The following CPA6 variants were observed in gnomAD, a reference collection of about 807,000 sequenced individuals.
The protein encoded by CPA6 is carboxypeptidase A6, also known as carboxypeptidase B.
Under a neutral mutation model 63.3 loss-of-function variants are expected in CPA6, and 58 were observed. The observed-to-expected ratio is 0.92, with a 90% CI of 0.74 to 1.14. The LOEUF (loss-of-function observed/expected upper bound fraction) is 1.14, where lower values mean the gene tolerates loss of function less well. Ranked by LOEUF, CPA6 falls within the 50% of genes most tolerant of loss-of-function variation. The pLI is 0.00. For synonymous variants in CPA6, 185 were observed against 179.0 expected (o/e 1.03, Z -0.27); for missense variants, 565 against 526.6 (o/e 1.07, Z -0.71).
intron 8 of CPA6, among the ~76,000 whole-genome samples, chr8:67,450,241 A>C (rs529617642): frequency 6.6e-6 from 1 of 152,382 alleles, no homozygotes; most frequent in Non-Finnish European, 1.5e-5. Context: ...AGTTACAAAA[A>C]TTCCTGATAA....
chr8:67,698,942 A>G (rs1043832908), intron 1 of CPA6, among the ~76,000 whole-genome samples: 3 of 152,208 alleles, frequency 2.0e-5, no homozygotes, highest in Non-Finnish European at 4.4e-5. Flanking sequence ...TATACACTGG[A>G]AAGTCCAGAA....
chr8:67,595,030 G>A (rs1005878365), intron 2 of CPA6, among the ~76,000 whole-genome samples: 3 of 152,088 alleles, frequency 2.0e-5, no homozygotes, highest in Non-Finnish European at 4.4e-5. Context: ...TTTGGTCTTT[G>A]ATGATGGTGA....
chr8:67,743,509 C>A (rs1817950550), intron 1 of CPA6, among the ~76,000 whole-genome samples: 1 of 152,118 alleles, frequency 6.6e-6, no homozygotes, highest in South Asian at 2.1e-4. Context: ...TCAAAATGTA[C>A]AATTAGATTA....
At chr8:67,487,176 G>A (rs1587482883) in intron 6 of CPA6, among the ~76,000 whole-genome samples, 1 of 152,036 alleles carries the variant, frequency 6.6e-6, no homozygotes, top group African/African-American at 2.4e-5. Context: ...TTTACATTAG[G>A]TGTTTCTCCT....
At chr8:67,511,720 C>T in intron 3 of CPA6, 65 bp from the exon 4 acceptor site, 1 of 870,454 alleles carries the variant, frequency 1.1e-6, no homozygotes, top group Non-Finnish European at 2.0e-6. Context: ...AGGCAACACC[C>T]AGAAAAAATC....
intron 6 of CPA6, among the ~76,000 whole-genome samples, chr8:67,489,394 A>G (rs1811557138): frequency 6.6e-6 from 1 of 152,218 alleles, no homozygotes; most frequent in South Asian, 2.1e-4. Context: ...ATGTCTATCA[A>G]GATGAAATCA....
At chr8:67,459,407 T>G (rs1283356333) in intron 8 of CPA6, among the ~76,000 whole-genome samples, 1 of 152,206 alleles carries the variant, frequency 6.6e-6, no homozygotes, top group Non-Finnish European at 1.5e-5. Context: ...CTGTGGTACA[T>G]GCAGGGAATG....
At chr8:67,475,222 T>C (rs543821464) in intron 8 of CPA6, among the ~76,000 whole-genome samples, 2 of 152,324 alleles carry the variant, frequency 1.3e-5, no homozygotes, top group African/African-American at 4.8e-5. Flanking sequence ...TTGTCTGGCA[T>C]TGGTAAGTTC....
intron 1 of CPA6, among the ~76,000 whole-genome samples, chr8:67,664,750 C>T (rs1038724469): frequency 6.6e-6 from 1 of 152,040 alleles, no homozygotes; most frequent in African/African-American, 2.4e-5. Flanking sequence ...GGATGGGGTT[C>T]AAGTGGAGAA....
chr8:67,564,779 A>C (rs1263809654), intron 2 of CPA6, among the ~76,000 whole-genome samples: 3 of 152,238 alleles, frequency 2.0e-5, no homozygotes, highest in African/African-American at 7.2e-5. Flanking sequence ...TATTGCTGAT[A>C]GATTTCTGTG....
intron 1 of CPA6, among the ~76,000 whole-genome samples, chr8:67,667,301 C>T (rs994257803): frequency 2.0e-5 from 3 of 152,070 alleles, no homozygotes; most frequent in African/African-American, 7.2e-5. Context: ...TGGGTCTTTG[C>T]CTCTTAGATC....
Position 67,736,397 on chromosome 8 carries a change from C to T in CPA6, c.116+9617G>A, listed in dbSNP as rs183114448. ...ACATCCCAATTCCCTTCTCAACCTA[C>T]CTGCTCTAGTTTCCATTCACCACTC... On this transcript the variant is annotated intron_variant, in intron 1 of 10. Transcript: ENST00000297770. 1.3e-3 allele frequency among the ~76,000 whole-genome samples: 204 copies of T among 152,318 alleles called. 3 individuals carry two copies. Among genetic ancestry groups the T allele is most frequent in the Non-Finnish European group, 4.3e-4 (29 of 68,036 alleles).
intron 9 of CPA6, among the ~76,000 whole-genome samples, chr8:67,429,231 C>T (rs1405454497): frequency 1.3e-5 from 2 of 152,022 alleles, no homozygotes; most frequent in Admixed American, 6.6e-5. Context: ...TCAACACAAT[C>T]GAAATACTAA....
Position 67,633,922 on chromosome 8 carries a change from C to CA in CPA6, c.117-9672_117-9671insT, listed in dbSNP as rs578076991. ...TTTTCCTCCTTCTTTCTCCATGTTT[C>CA]GTTAAAATCATCTGGAATTTTTATT... On this transcript the variant is annotated intron_variant, in intron 1 of 10. Coordinates refer to ENST00000297770, the MANE Select transcript of CPA6 (RefSeq NM_020361.5). Among the ~76,000 whole-genome samples the CA allele has an allele frequency of 6.6e-5, 10 of 151,704 alleles. No homozygotes were observed. In the South Asian group the frequency reaches 2.1e-3, roughly 32 times the overall value.
At chr8:67,445,990 G>A (rs561511255) in intron 8 of CPA6, among the ~76,000 whole-genome samples, 1 of 152,160 alleles carries the variant, frequency 6.6e-6, no homozygotes, top group East Asian at 1.9e-4. Context: ...TACGGCCGGG[G>A]GCGGTGGCTC....
chr8:67,523,351 A>C (rs1812298585), intron 2 of CPA6, among the ~76,000 whole-genome samples: 1 of 152,078 alleles, frequency 6.6e-6, no homozygotes, highest in South Asian at 2.1e-4. Context: ...AAACAGTGAA[A>C]GTCTGTCTCT....
intron 1 of CPA6, among the ~76,000 whole-genome samples, chr8:67,632,993 A>G (rs1276681737): frequency 1.3e-5 from 2 of 152,212 alleles, no homozygotes; most frequent in Admixed American, 6.5e-5. Context: ...GAATTTGACA[A>G]TTTGAGCCAA....
chr8:67,509,431 T>C, intron 5 of CPA6, 86 bp downstream of exon 5: 1 of 645,684 alleles, frequency 1.5e-6, no homozygotes, highest in Non-Finnish European at 2.8e-6. Flanking sequence ...AAAAGATCAT[T>C]TCATTTCTTT....
At chr8:67,692,741 G>A (rs1026433559) in intron 1 of CPA6, among the ~76,000 whole-genome samples, 26 of 152,230 alleles carry the variant, frequency 1.7e-4, no homozygotes, top group Admixed American at 1.6e-3. Context: ...TTAGTGGGAA[G>A]TTAGTATTAT....
Sources: allele counts gnomAD v4.1 joint callset (sites outside exome capture counted in the v4.1 genomes callset), GRCh38; gene constraint gnomAD v4.1.1; transcripts MANE v1.5; gene names NCBI Gene and HGNC (gene_info 2026-07-23, HGNC 2026-07-21).